Variants in DLG1 observed in about 807,000 individuals in gnomAD.
DLG1 encodes the protein disks large homolog 1.
DLG1 carries 42 observed loss-of-function variants against 123.4 expected under a neutral mutation model. The ratio of observed to expected loss-of-function variants is 0.34; its 90% CI spans 0.27 to 0.44. The LOEUF is 0.44. DLG1 is among the 20% of genes least tolerant of loss of function. The pLI is 1.00. For missense variants in DLG1, 942 were observed against 1,082.6 expected, an observed-to-expected ratio of 0.87 and a Z score of 1.82; for synonymous variants, 317 against 356.2, an observed-to-expected ratio of 0.89 and a Z score of 1.24.
intron 11 of DLG1, among the ~76,000 whole-genome samples, chr3:197,121,846 C>CAAAAAAAAAAAA (rs1776584553): frequency 1.0e-5 from 1 of 98,216 alleles, no homozygotes; most frequent in Non-Finnish European, 2.3e-5. Context: ...AAAAAAAAAT[C>CAAAAAAAAAAAA]AAATGTTATC....
chr3:197,298,334 C>T (rs1266169248), intron 1 of DLG1: 5 of 395,620 alleles, frequency 1.3e-5, no homozygotes, highest in Non-Finnish European at 1.8e-5. Context: ...AAAGGGCGGC[C>T]GCTGAAGTGG....
chr3:197,079,734 T>C (rs1386108783), intron 17 of DLG1, among the ~76,000 whole-genome samples: 1 of 152,198 alleles, frequency 6.6e-6, no homozygotes, highest in Non-Finnish European at 1.5e-5. Context: ...ATTTTAATAT[T>C]GCTTCAGATC....
chr3:197,296,962 G>C lies in DLG1; in HGVS notation c.19+224C>G, dbSNP rs974694950. ...TATTAAGGACATCTGTTGGGGGGGG[G>C]CTAACTGCCTCTCTTAATCACTAGA... On this transcript the variant is annotated intron_variant, in intron 2 of 24. Coordinates refer to ENST00000667157, the MANE Select transcript of DLG1 (RefSeq NM_001366207.1). The C allele has an allele frequency of 3.5e-4, 198 of 559,262 alleles. 1 individual carries two copies. Among genetic ancestry groups the C allele is most frequent in the East Asian group, 1.3e-3 (40 of 31,324 alleles). 34.6% of individuals were successfully genotyped at this position (559,262 alleles called of 1,614,324 possible).
At chr3:197,201,428 A>G (rs1223734565) in intron 4 of DLG1, among the ~76,000 whole-genome samples, 1 of 152,210 alleles carries the variant, frequency 6.6e-6, no homozygotes, top group Admixed American at 6.5e-5. Flanking sequence ...CTCCACCAAA[A>G]AAACTCTCAG....
intron 5 of DLG1, among the ~76,000 whole-genome samples, chr3:197,180,923 T>C (rs576476171): frequency 6.6e-6 from 1 of 152,282 alleles, no homozygotes; most frequent in South Asian, 2.1e-4. Flanking sequence ...TCTATAAGCA[T>C]TTATTAACAC....
At chr3:197,119,801 C>T (rs1032376843) in intron 11 of DLG1, among the ~76,000 whole-genome samples, 1 of 152,130 alleles carries the variant, frequency 6.6e-6, no homozygotes, top group African/African-American at 2.4e-5. Flanking sequence ...GAATTATATA[C>T]AGTCCAAATT....
At chr3:197,279,307 A>C (rs574122276) in intron 4 of DLG1, among the ~76,000 whole-genome samples, 1 of 152,278 alleles carries the variant, frequency 6.6e-6, no homozygotes, top group East Asian at 1.9e-4. Flanking sequence ...AACTATTTAC[A>C]TTTTCAGACA....
At chr3:197,298,624 G>A (rs1778603739), upstream of DLG1, 1 of 398,528 alleles carries the variant, frequency 2.5e-6, no homozygotes, top group Non-Finnish European at 4.4e-6. Flanking sequence ...GATCCCCACC[G>A]GGGAAAAGCC....
chr3:197,120,634 C>T (rs562873665), intron 11 of DLG1, among the ~76,000 whole-genome samples: 25 of 152,232 alleles, frequency 1.6e-4, no homozygotes, highest in African/African-American at 5.1e-4. Context: ...CAGCATACTA[C>T]GCACTGGAGT....
In DLG1 at chr3:197,208,251, CATACTAT is replaced by C. The variant is rs1450413270; in HGVS notation, c.319-13669_319-13663del. Among the ~76,000 whole-genome samples, 2 of 146,648 alleles carry C rather than the reference CATACTAT, an allele frequency of 1.4e-5. 1 individual carries two copies. Among genetic ancestry groups the C allele is most frequent in the Non-Finnish European group, 3.1e-5 (2 of 65,324 alleles). On this transcript the variant is annotated intron_variant, in intron 4 of 24. Transcript: ENST00000667157. ...ATTGTCAAATATCCAAGTTTGATAA[CATACTAT>C]ATACTGATGAGGACATAGGAAAAAC...
chr3:197,240,673 G>A (rs1257396007), intron 4 of DLG1, among the ~76,000 whole-genome samples: 1 of 152,036 alleles, frequency 6.6e-6, no homozygotes, highest in Admixed American at 6.6e-5. Flanking sequence ...ATTTTAAAAA[G>A]AGATTAAAGT....
At chr3:197,133,497 C>CG (rs1197776249) in intron 10 of DLG1, among the ~76,000 whole-genome samples, 1 of 152,216 alleles carries the variant, frequency 6.6e-6, no homozygotes, top group East Asian at 1.9e-4. Context: ...CCATTAATCT[C>CG]TGTGTTTTCT....
At chr3:197,130,505 A>T in intron 11 of DLG1, 22 bp downstream of exon 11, 3 of 1,540,432 alleles carry the variant, frequency 1.9e-6, no homozygotes, top group Non-Finnish European at 2.6e-6. Context: ...AAATTTAAGC[A>T]AACGTATGCT....
intron 4 of DLG1, among the ~76,000 whole-genome samples, chr3:197,226,865 C>T (rs1007520446): frequency 3.5e-4 from 53 of 152,148 alleles, no homozygotes; most frequent in African/African-American, 1.3e-3. Context: ...TTAATCAACC[C>T]TTTGGCAGAA....
intron 4 of DLG1, among the ~76,000 whole-genome samples, chr3:197,195,289 A>AT (rs1215798566): frequency 2.0e-5 from 3 of 150,970 alleles, no homozygotes; most frequent in African/African-American, 7.4e-5. Context: ...CTTATCAATG[A>AT]TTTAAAAAAA....
Position 197,043,946 on chromosome 3 carries a change from G to A in DLG1, c.*677C>T, listed in dbSNP as rs1023003354. 1.3e-5 allele frequency: 2 copies of A among 152,082 alleles called. No homozygotes were observed. Among genetic ancestry groups the A allele is most frequent in the Non-Finnish European group, 2.9e-5 (2 of 67,996 alleles). The allele number at this position is 152,082 out of a possible 1,614,324, so 9.4% of individuals were successfully genotyped here. A position where few individuals can be genotyped will look rare whatever the true frequency, so the allele number is the denominator to read the frequency against. ...CATATGAACAACTTTTGTAAGACAC[G>A]ATAGTGTTGCTCAAGTAGATTAAAA... is the stretch of plus-strand genomic sequence containing the variant. On this transcript the variant is annotated 3_prime_UTR_variant, in exon 25 of 25. Transcript: ENST00000667157.
chr3:197,081,035 G>C lies in DLG1; in HGVS notation c.1905+16C>G. 1 of 1,606,336 alleles carries C rather than the reference G, an allele frequency of 6.2e-7. No homozygotes were observed. The highest frequency in any genetic ancestry group is 8.5e-7 in the Non-Finnish European group (1 of 1,175,442). ...CAAACAGGAATTACAAAAATGTAGA[G>C]ATTTCAAATACTCACCCCTTTATCT... On this transcript the variant is annotated intron_variant, in intron 17 of 24. Transcript: ENST00000667157.
intron 5 of DLG1, among the ~76,000 whole-genome samples, chr3:197,167,653 GTTA>G (rs967565200): frequency 3.9e-5 from 6 of 152,106 alleles, no homozygotes; most frequent in Admixed American, 3.3e-4. Flanking sequence ...AAAGTCTAAC[GTTA>G]TTTTTAATTC....
At chr3:197,120,119 A>C (rs1775484429) in intron 11 of DLG1, among the ~76,000 whole-genome samples, 1 of 151,950 alleles carries the variant, frequency 6.6e-6, no homozygotes, top group South Asian at 2.1e-4. Context: ...AAAATTAGCC[A>C]GACTTGGTGG....
Sources: gnomAD v4.1 joint callset for allele counts (sites outside exome capture counted in the v4.1 genomes callset) on GRCh38, gnomAD v4.1.1 for gene constraint, MANE v1.5 for transcripts, NCBI Gene and HGNC (gene_info 2026-07-23, HGNC 2026-07-21) for gene names.